TAFA2: variants seen among roughly 807,000 people sequenced by gnomAD.
TAFA2 encodes TAFA chemokine like family member 2, also known as chemokine-like protein TAFA-2.
In TAFA2, 7 loss-of-function variants were observed where a neutral mutation model predicts 18.8. The ratio of observed to expected loss-of-function variants is 0.37; its 90% CI spans 0.21 to 0.70. The LOEUF (loss-of-function observed/expected upper bound fraction) is 0.70, where lower values mean the gene tolerates loss of function less well. Among genes scored for constraint, TAFA2 ranks in the 30% least tolerant of loss-of-function variants. The pLI is 0.53. For synonymous variants in TAFA2, 60 were observed against 54.2 expected, an observed-to-expected ratio of 1.11 and a Z score of -0.47; for missense variants, 122 against 158.1, an observed-to-expected ratio of 0.77 and a Z score of 1.23.
chr12:61,760,582 T>C (rs1869500999), intron 2 of TAFA2, among the ~76,000 whole-genome samples: 1 of 151,678 alleles, frequency 6.6e-6, no homozygotes, highest in Non-Finnish European at 1.5e-5. Context: ...TGGTATGTGT[T>C]TAATAAATGG....
intron 1 of TAFA2, among the ~76,000 whole-genome samples, chr12:62,137,801 A>C (rs1355495949): frequency 2.0e-5 from 3 of 152,060 alleles, no homozygotes; most frequent in Non-Finnish European, 2.9e-5. Context: ...TTAAGAACAA[A>C]AGTTAGATCA....
chr12:62,057,571 G>A, intron 1 of TAFA2, among the ~76,000 whole-genome samples: 2 of 151,678 alleles, frequency 1.3e-5, no homozygotes, highest in East Asian at 3.9e-4. Flanking sequence ...AAATTACTTT[G>A]TCATTCAATT....
chr12:61,718,212 T>C (rs1208852306), intron 4 of TAFA2, among the ~76,000 whole-genome samples: 1 of 152,182 alleles, frequency 6.6e-6, no homozygotes, highest in Non-Finnish European at 1.5e-5. Flanking sequence ...TCTTGGAACT[T>C]TGAAAGCTGT....
At chr12:62,005,979 C>G (rs1017439476) in intron 1 of TAFA2, among the ~76,000 whole-genome samples, 44 of 152,210 alleles carry the variant, frequency 2.9e-4, no homozygotes, top group African/African-American at 1.0e-3. Context: ...TCCTATCAAG[C>G]TCTATTAAGC....
At chr12:61,731,640 G>C (rs1362841910) in intron 4 of TAFA2, among the ~76,000 whole-genome samples, 2 of 151,922 alleles carry the variant, frequency 1.3e-5, no homozygotes, top group Admixed American at 1.3e-4. Context: ...ATGTTCTTTT[G>C]TAAAACCCCG....
chr12:62,144,238 C>A (rs1416444121), intron 1 of TAFA2, among the ~76,000 whole-genome samples: 1 of 152,036 alleles, frequency 6.6e-6, no homozygotes, highest in East Asian at 1.9e-4. Flanking sequence ...AGATGTTAGG[C>A]AACCTCCTGT....
chr12:61,850,862 C>T (rs910756543), intron 2 of TAFA2, among the ~76,000 whole-genome samples: 7 of 152,052 alleles, frequency 4.6e-5, no homozygotes, highest in African/African-American at 1.7e-4. Context: ...ATGGTAGAGA[C>T]TTTTCAAAAG....
At chr12:62,074,984 G>A (rs527441737) in intron 1 of TAFA2, among the ~76,000 whole-genome samples, 1 of 152,210 alleles carries the variant, frequency 6.6e-6, no homozygotes, top group African/African-American at 2.4e-5. Flanking sequence ...TTACAGGCGT[G>A]AGCCACCACA....
At chr12:62,049,699 C>T (rs1881999541) in intron 1 of TAFA2, among the ~76,000 whole-genome samples, 2 of 152,002 alleles carry the variant, frequency 1.3e-5, no homozygotes, top group South Asian at 2.1e-4. Context: ...ACAGGAAAAA[C>T]AGAAGGCTAC....
chr12:61,995,602 C>T (rs148434358), intron 1 of TAFA2, among the ~76,000 whole-genome samples: 1 of 152,150 alleles, frequency 6.6e-6, no homozygotes, highest in East Asian at 1.9e-4. Context: ...TCATAGGGTA[C>T]TCAGCAAACA....
chr12:61,905,627 C>A (rs940233815), intron 1 of TAFA2, among the ~76,000 whole-genome samples: 3 of 152,082 alleles, frequency 2.0e-5, no homozygotes, highest in Admixed American at 6.6e-5. Context: ...ATCATTGTTA[C>A]ATATATCAAA....
chr12:61,979,289 T>A (rs1192786703), intron 1 of TAFA2, among the ~76,000 whole-genome samples: 1 of 152,070 alleles, frequency 6.6e-6, no homozygotes, highest in Non-Finnish European at 1.5e-5. Context: ...AGCCAATAAC[T>A]CAGTGGAATT....
At chr12:62,204,578 A>G (rs2062684350) in intron 1 of TAFA2, among the ~76,000 whole-genome samples, 2 of 151,968 alleles carry the variant, frequency 1.3e-5, no homozygotes, top group African/African-American at 4.8e-5. Context: ...TCCACAAGAT[A>G]GTCTTTAAGC....
intron 1 of TAFA2, chr12:61,879,197 C>G (rs1013157895): frequency 2.7e-5 from 9 of 333,126 alleles, no homozygotes; most frequent in Non-Finnish European, 5.0e-5. Flanking sequence ...AAACATTCTT[C>G]CAGCTTCAGG....
At chr12:62,132,338 A>G (rs1870724499) in intron 1 of TAFA2, among the ~76,000 whole-genome samples, 1 of 151,700 alleles carries the variant, frequency 6.6e-6, no homozygotes, top group Non-Finnish European at 1.5e-5. Flanking sequence ...CACTGAGGGT[A>G]TCTCCCCAGT....
rs372261910 is a variant in TAFA2, at chr12:61,829,789, T to A, written c.106+37531A>T. On this transcript the variant is annotated intron_variant, in intron 2 of 4. Coordinates refer to ENST00000416284, the MANE Select transcript of TAFA2 (RefSeq NM_178539.5). The stretch of plus-strand genomic sequence containing the variant: ...GGATTATTTACTTTATAAGCATTGA[T>A]AAGATTTAAAAATCTTTATTTCAAA... Among the ~76,000 whole-genome samples the A allele has an allele frequency of 3.3e-5, 5 of 151,730 alleles. No homozygotes were observed. In the East Asian group the frequency reaches 9.7e-4, roughly 29 times the overall value.
chr12:61,830,184 ATATATATATGTATATGG>A (rs1229975443), intron 2 of TAFA2, among the ~76,000 whole-genome samples: 2 of 150,670 alleles, frequency 1.3e-5, no homozygotes, highest in African/African-American at 4.9e-5. Flanking sequence ...GATAAATGCT[ATATATATATGTATATGG>A]TATGTATATG....
rs923571878 is a variant in TAFA2 at position 62,011,557 on chromosome 12, G to C, written c.-1-144131C>G. On this transcript the variant is annotated intron_variant, in intron 1 of 4. Coordinates refer to ENST00000416284, the MANE Select transcript of TAFA2 (RefSeq NM_178539.5). ...ACAGATGCTTGAAGGCAGCATGCTA[G>C]TTAAGAGTCATCACCACTCCCTAAT... 3.9e-5 allele frequency among the ~76,000 whole-genome samples: 6 copies of C among 152,090 alleles called. No homozygotes were observed. The East Asian group carries it at 7.7e-4, about 20-fold the overall frequency.
chr12:62,098,405 G>A (rs75387848), intron 1 of TAFA2, among the ~76,000 whole-genome samples: 1 of 152,070 alleles, frequency 6.6e-6, no homozygotes, highest in Non-Finnish European at 1.5e-5. Context: ...CTAGGTTTTC[G>A]CTGGAATTCC....
Sources: gnomAD v4.1 joint callset for allele counts (sites outside exome capture counted in the v4.1 genomes callset) on GRCh38, gnomAD v4.1.1 for gene constraint, MANE v1.5 for transcripts, NCBI Gene and HGNC (gene_info 2026-07-23, HGNC 2026-07-21) for gene names.